Variants in NBAS observed in about 807,000 individuals in gnomAD.
The protein encoded by NBAS is NAG/BC035112 fusion.
NBAS carries 219 observed loss-of-function variants against 302.5 expected under a neutral mutation model. That is an observed-to-expected ratio of 0.72 (90% CI 0.65 to 0.81). The LOEUF (loss-of-function observed/expected upper bound fraction) is 0.81. NBAS is among the 30% of genes least tolerant of loss of function. NBAS has a pLI of 0.00. For synonymous variants in NBAS, 1,118 were observed against 1,021.6 expected (o/e 1.09, Z -1.80); for missense variants, 2,932 against 2,841.6 (o/e 1.03, Z -0.72).
the NBAS span, among the ~76,000 whole-genome samples, chr2:15,071,256 C>T: frequency 6.6e-6 from 1 of 152,290 alleles, no homozygotes; most frequent in Admixed American, 6.5e-5. Flanking sequence ...TGTCCAGAGA[C>T]ATTTTGTCAT....
At chr2:15,480,651 C>A (rs1044748848) in intron 12 of NBAS, among the ~76,000 whole-genome samples, 41 of 151,950 alleles carry the variant, frequency 2.7e-4, no homozygotes, top group Non-Finnish European at 4.4e-5. Context: ...GGAAAACATT[C>A]CAGTCTGAAA....
chr2:15,361,616 A>T (rs1344870184), intron 32 of NBAS, among the ~76,000 whole-genome samples: 1 of 152,250 alleles, frequency 6.6e-6, no homozygotes, highest in African/African-American at 2.4e-5. Context: ...TAATTTGGAT[A>T]TGTAGGCTAA....
chr2:15,377,519 A>G (rs1331413286), intron 30 of NBAS, among the ~76,000 whole-genome samples: 1 of 152,214 alleles, frequency 6.6e-6, no homozygotes, highest in African/African-American at 2.4e-5. Context: ...TAAGCCTACT[A>G]TTATCCACAT....
At chr2:15,344,064 G>A (rs900685736) in intron 35 of NBAS, among the ~76,000 whole-genome samples, 10 of 149,224 alleles carry the variant, frequency 6.7e-5, no homozygotes, top group Non-Finnish European at 1.2e-4. Context: ...GTTAAAACAT[G>A]GGTAAAATAT....
the NBAS span, among the ~76,000 whole-genome samples, chr2:14,856,566 G>A: frequency 6.6e-6 from 1 of 152,092 alleles, no homozygotes; most frequent in Admixed American, 6.6e-5. Context: ...CACAGAGAAG[G>A]AATTCAAAAT....
intron 14 of NBAS, among the ~76,000 whole-genome samples, chr2:15,474,549 T>TTTCTTCTTCTTC (rs57852145): frequency 2.2e-3 from 320 of 147,842 alleles, no homozygotes; most frequent in African/African-American, 7.0e-3. Flanking sequence ...AGCCTGTTTT[T>TTTCTTCTTCTTC]TTCTTCTTCT....
At chr2:14,790,442 G>T in the NBAS span, among the ~76,000 whole-genome samples, 1 of 152,198 alleles carries the variant, frequency 6.6e-6, no homozygotes, top group South Asian at 2.1e-4. Flanking sequence ...AGTCTGTTTT[G>T]CAATGTAAAA....
the NBAS span, among the ~76,000 whole-genome samples, chr2:14,857,791 G>T: frequency 6.6e-6 from 1 of 152,048 alleles, no homozygotes; most frequent in South Asian, 2.1e-4. Context: ...ATACCCACAC[G>T]CACAGGCAAC....
the NBAS span, among the ~76,000 whole-genome samples, chr2:14,827,123 AGTTAAT>A: frequency 2.0e-5 from 3 of 152,220 alleles, no homozygotes; most frequent in Non-Finnish European, 4.4e-5. Context: ...ATGATGTACA[AGTTAAT>A]GTCTTATAGT....
intron 46 of NBAS, 63 bp from the exon 47 acceptor site, chr2:15,232,574 TATTCA>T: frequency 6.8e-7 from 1 of 1,466,622 alleles, no homozygotes; most frequent in East Asian, 2.3e-5. Context: ...ATAAACTTGG[TATTCA>T]CACCCTTAAA....
At chr2:14,954,112 T>A in the NBAS span, among the ~76,000 whole-genome samples, 1 of 152,292 alleles carries the variant, frequency 6.6e-6, no homozygotes, top group African/African-American at 2.4e-5. Flanking sequence ...AGACCCTCTG[T>A]TGATTGATGT....
rs867712397 is a variant in NBAS at position 15,220,175 on chromosome 2, G to A, written c.6237-1207C>T. Among the ~76,000 whole-genome samples, 476 of 140,462 alleles carry A rather than the reference G, an allele frequency of 3.4e-3. 2 individuals carry two copies. Among genetic ancestry groups the A allele is most frequent in the South Asian group, 0.017 (71 of 4,220 alleles). The allele number at this position is 140,462 out of a possible 152,430, so 92.1% of individuals were successfully genotyped here. On this transcript the variant is annotated intron_variant, in intron 47 of 51. Coordinates refer to ENST00000281513, the MANE Select transcript of NBAS (RefSeq NM_015909.4). The stretch of plus-strand genomic sequence containing the variant: ...CCGGACGGGGCGGCTGGCCGGGCGG[G>A]GGGCTGACCCCCCCACCTCCCTCCC...
the NBAS span, among the ~76,000 whole-genome samples, chr2:14,898,350 T>C: frequency 9.2e-5 from 14 of 152,306 alleles, no homozygotes; most frequent in Non-Finnish European, 1.8e-4. Context: ...GGGAAATCAA[T>C]TTCCCATGGC....
the NBAS span, among the ~76,000 whole-genome samples, chr2:15,099,472 C>T: frequency 3.6e-3 from 552 of 151,980 alleles, 5 homozygotes; most frequent in African/African-American, 0.01. Context: ...AGTGGGAGCA[C>T]AGAGGAAGAA....
chr2:14,863,890 G>A, the NBAS span, among the ~76,000 whole-genome samples: 103 of 152,332 alleles, frequency 6.8e-4, 1 homozygote, highest in Middle Eastern at 3.4e-3. Context: ...AAAACCAGAA[G>A]TAGAATCTTG....
In NBAS at chr2:15,366,680, A is replaced by G; in HGVS notation, c.3717T>C (p.Pro1239=). Residue 1239 remains proline, a synonymous_variant, in exon 32 of 52, where the codon CCT becomes CCC. Transcript: ENST00000281513. ...ACTCCTTGATGAGACTGATCCGATC[A>G]GGGCACAATCGCACTACAAAAGAAA... ...KILPLQVRLC[P]DRISLIKECI... 6.2e-7 allele frequency: 1 copy of G among 1,614,092 alleles called. No individual in the cohort carries two copies. Among genetic ancestry groups the G allele is most frequent in the Non-Finnish European group, 8.5e-7 (1 of 1,179,950 alleles).
chr2:14,890,352 T>C, the NBAS span, among the ~76,000 whole-genome samples: 1 of 152,098 alleles, frequency 6.6e-6, no homozygotes, highest in African/African-American at 2.4e-5. Context: ...AAAAACTCTA[T>C]CTCAATCCCA....
At chr2:15,018,992 A>T in the NBAS span, among the ~76,000 whole-genome samples, 3 of 152,228 alleles carry the variant, frequency 2.0e-5, no homozygotes, top group African/African-American at 7.2e-5. Context: ...AACTGTGATT[A>T]TGCACATAAG....
the NBAS span, among the ~76,000 whole-genome samples, chr2:15,069,138 C>T: frequency 2.6e-5 from 4 of 152,202 alleles, no homozygotes; most frequent in Non-Finnish European, 4.4e-5. Context: ...ACCACCTTTC[C>T]GTGCTACCAC....
Sources: gnomAD v4.1 joint callset for allele counts (sites outside exome capture counted in the v4.1 genomes callset) on GRCh38, gnomAD v4.1.1 for gene constraint, MANE v1.5 for transcripts, NCBI Gene and HGNC (gene_info 2026-07-23, HGNC 2026-07-21) for gene names.